The following RAI14 variants were observed in gnomAD, a reference collection of about 807,000 sequenced individuals.
RAI14 encodes the protein retinoic acid induced 14, also known as ankycorbin.
A neutral mutation model predicts 115.4 loss-of-function variants in RAI14; 45 were observed. That is an observed-to-expected ratio of 0.39 (90% CI 0.31 to 0.50). The LOEUF is 0.50. RAI14 is among the 20% of genes least tolerant of loss of function. The pLI is 0.85. For missense variants in RAI14, 939 were observed against 1,131.2 expected (o/e 0.83, Z 2.44); for synonymous variants, 371 against 415.4 (o/e 0.89, Z 1.30).
At chr5:34,762,928 CATGTGTGTGTGTGTGTGTGTGTGTGT>C (rs1407653544) in intron 3 of RAI14, among the ~76,000 whole-genome samples, 2 of 98,826 alleles carry the variant, frequency 2.0e-5, no homozygotes, top group Non-Finnish European at 4.4e-5. Flanking sequence ...GGAGTGTGTG[CATGTGTGTGTGTGTGTGTGTGTGTGT>C]GTGTGTGTGT....
Position 34,821,869 on chromosome 5 carries a change from A to C in RAI14, c.1113+19A>C. 1 of 1,332,646 alleles carries C rather than the reference A, an allele frequency of 7.5e-7. No homozygotes were observed. Among genetic ancestry groups the C allele is most frequent in the South Asian group, 1.2e-5 (1 of 85,056 alleles). The allele number at this position is 1,332,646 out of a possible 1,614,324, so 82.6% of individuals were successfully genotyped here. Reference sequence around the variant, plus strand: ...ATTACAGGTATATAAATAGATTGCTATCATGGACTATTCTGTAGAGTCAAG... The same window carrying C: ...ATTACAGGTATATAAATAGATTGCTCTCATGGACTATTCTGTAGAGTCAAG... On this transcript the variant is annotated intron_variant, in intron 14 of 17. Transcript: ENST00000265109.
chr5:34,671,781 C>T (rs1295449349), intron 1 of RAI14, among the ~76,000 whole-genome samples: 3 of 152,022 alleles, frequency 2.0e-5, no homozygotes, highest in Non-Finnish European at 4.4e-5. Flanking sequence ...TTGTATAAAT[C>T]CCATTTACAG....
chr5:34,699,809 A>T lies in RAI14; in HGVS notation c.36+12854A>T, dbSNP rs536877240. Among the ~76,000 whole-genome samples, 521 of 152,328 alleles carry T rather than the reference A, an allele frequency of 3.4e-3. 3 individuals carry two copies. The highest frequency in any genetic ancestry group is 5.2e-3 in the South Asian group (25 of 4,828). On this transcript the variant is annotated intron_variant, in intron 2 of 17. Transcript: ENST00000265109. ...TTTGCTGTCAGGAGAACAAAATATG[A>T]TGATTCCAGCCGGCCAAGTAAAGGC...
At chr5:34,691,309 A>G (rs552453949) in intron 2 of RAI14, among the ~76,000 whole-genome samples, 1 of 152,346 alleles carries the variant, frequency 6.6e-6, no homozygotes, top group South Asian at 2.1e-4. Context: ...TTAAAGAAGA[A>G]TACTATATAA....
At chr5:34,767,092 C>T (rs1157150324) in intron 3 of RAI14, among the ~76,000 whole-genome samples, 1 of 152,126 alleles carries the variant, frequency 6.6e-6, no homozygotes, top group Non-Finnish European at 1.5e-5. Flanking sequence ...CTTTTTCTTC[C>T]CAGTTTTGGG....
At chr5:34,663,788 A>G (rs907006984) in intron 1 of RAI14, among the ~76,000 whole-genome samples, 2 of 152,220 alleles carry the variant, frequency 1.3e-5, no homozygotes, top group African/African-American at 4.8e-5. Flanking sequence ...AAAGGCAGAA[A>G]TCAGCAACAA....
chr5:34,744,895 C>T (rs164306), intron 2 of RAI14, among the ~76,000 whole-genome samples: 10,826 of 152,286 alleles, frequency 0.071, 433 homozygotes, highest in Middle Eastern at 0.2. Context: ...CTTGCCTCTT[C>T]TAGCTCCTGG....
At chr5:34,796,454 A>T (rs1231790427) in intron 4 of RAI14, among the ~76,000 whole-genome samples, 2 of 152,140 alleles carry the variant, frequency 1.3e-5, no homozygotes, top group Non-Finnish European at 2.9e-5. Context: ...AAAGAAGAAA[A>T]GAGAATCACC....
chr5:34,799,772 C>G (rs1754041791), intron 4 of RAI14, among the ~76,000 whole-genome samples: 1 of 150,130 alleles, frequency 6.7e-6, no homozygotes, highest in Non-Finnish European at 1.5e-5. Context: ...ACTGCAAGCT[C>G]CGCCTCCCGG....
intron 2 of RAI14, among the ~76,000 whole-genome samples, chr5:34,750,029 T>C (rs1398731762): frequency 2.0e-5 from 3 of 152,328 alleles, no homozygotes; most frequent in East Asian, 3.8e-4. Context: ...ATTAAAATAT[T>C]CATAGAACAT....
At position 34,798,918 on chromosome 5, in the gene RAI14, G is replaced by T. The variant is rs74818724; in HGVS notation, c.256+2891G>T. On this transcript the variant is annotated intron_variant, in intron 4 of 17. Coordinates refer to ENST00000265109, the MANE Select transcript of RAI14 (RefSeq NM_015577.3). ...GGGTTGAAGATGTCTCAGAGCTCCCGTCACTTCCTTCTCACCTGATATTTT... is the reference window on the plus strand; with the variant it reads ...GGGTTGAAGATGTCTCAGAGCTCCCTTCACTTCCTTCTCACCTGATATTTT... 1.1e-3 allele frequency among the ~76,000 whole-genome samples: 164 copies of T among 152,278 alleles called. 1 individual carries two copies. The highest frequency in any genetic ancestry group is 3.8e-3 in the African/African-American group (160 of 41,564).
chr5:34,665,474 G>A (rs1420850070), intron 1 of RAI14, among the ~76,000 whole-genome samples: 5 of 149,318 alleles, frequency 3.3e-5, no homozygotes, highest in Non-Finnish European at 7.4e-5. Context: ...ACAGAGTAAA[G>A]TGTTTTCCAT....
At chr5:34,775,216 G>A (rs1393523503) in intron 3 of RAI14, among the ~76,000 whole-genome samples, 1 of 152,120 alleles carries the variant, frequency 6.6e-6, no homozygotes, top group Non-Finnish European at 1.5e-5. Context: ...AAGATTTCTT[G>A]AGTAATACCT....
chr5:34,813,029 G>GT (rs918897081), intron 10 of RAI14, among the ~76,000 whole-genome samples: 2 of 152,056 alleles, frequency 1.3e-5, no homozygotes, highest in African/African-American at 4.8e-5. Flanking sequence ...GTCACTATCT[G>GT]TTTTTTTGAT....
intron 2 of RAI14, chr5:34,688,236 T>G (rs1357639553): frequency 1.3e-6 from 2 of 1,550,986 alleles, no homozygotes; most frequent in East Asian, 4.9e-5. Context: ...GGCTTTCAGC[T>G]AAGGAGAAAA....
intron 2 of RAI14, among the ~76,000 whole-genome samples, chr5:34,701,470 A>G (rs1037878295): frequency 6.6e-6 from 1 of 152,324 alleles, no homozygotes; most frequent in South Asian, 2.1e-4. Flanking sequence ...TAAGACTTCA[A>G]AAGAACTTTG....
chr5:34,788,305 G>A (rs900233676), intron 3 of RAI14, among the ~76,000 whole-genome samples: 1 of 151,918 alleles, frequency 6.6e-6, no homozygotes, highest in African/African-American at 2.4e-5. Flanking sequence ...AGCATCTCTG[G>A]CCTCTGCAGA....
chr5:34,705,879 T>C (rs1488554880), intron 2 of RAI14, among the ~76,000 whole-genome samples: 1 of 152,192 alleles, frequency 6.6e-6, no homozygotes, highest in African/African-American at 2.4e-5. Flanking sequence ...ACTCCTGACC[T>C]CAGATGATCT....
At position 34,800,956 on chromosome 5, in the gene RAI14, C is replaced by T. The variant is rs561478146; in HGVS notation, c.257-2756C>T. Among the ~76,000 whole-genome samples the T allele has an allele frequency of 1.6e-4, 25 of 152,308 alleles. 1 individual carries two copies. The South Asian group carries it at 5.2e-3, about 32-fold the overall frequency. On this transcript the variant is annotated intron_variant, in intron 4 of 17. Coordinates refer to ENST00000265109, the MANE Select transcript of RAI14 (RefSeq NM_015577.3). ...TCATTTGTAAGGCATTTGTTTAAAA[C>T]TCAGAATGTGCTTGTCCACAGAAAC...
Sources: gnomAD v4.1 joint callset for allele counts (sites outside exome capture counted in the v4.1 genomes callset) on GRCh38, gnomAD v4.1.1 for gene constraint, MANE v1.5 for transcripts, NCBI Gene and HGNC (gene_info 2026-07-23, HGNC 2026-07-21) for gene names.